DIAPH2: variants seen among roughly 807,000 people sequenced by gnomAD.
The protein encoded by DIAPH2 is diaphanous related formin 2.
Under a neutral mutation model 92.7 loss-of-function variants are expected in DIAPH2, and 35 were observed. The ratio of observed to expected loss-of-function variants is 0.38; its 90% confidence interval spans 0.29 to 0.50. The LOEUF (loss-of-function observed/expected upper bound fraction) is 0.50, where lower values mean the gene tolerates loss of function less well. DIAPH2 is among the 20% of genes least tolerant of loss of function. The pLI is 0.94. For synonymous variants in DIAPH2, 301 were observed against 280.4 expected (o/e 1.07, Z -0.73); for missense variants, 701 against 819.5 (o/e 0.86, Z 1.77).
chrX:96,803,629 C>G (rs1038966117), intron 4 of DIAPH2, among the ~76,000 whole-genome samples: 8 of 112,594 alleles, frequency 7.1e-5, no homozygotes, highest in African/African-American at 2.6e-4. Context: ...ATTAATAGCA[C>G]TTTCCAAAAT....
chrX:96,867,261 C>T (rs1056417471), intron 4 of DIAPH2, among the ~76,000 whole-genome samples: 2 of 111,358 alleles, frequency 1.8e-5, no homozygotes, highest in African/African-American at 6.5e-5. Context: ...CTCTGTTGCC[C>T]AGGCTGGAGT....
intron 25 of DIAPH2, among the ~76,000 whole-genome samples, chrX:97,422,784 A>G (rs2070022442): frequency 9.0e-6 from 1 of 111,590 alleles, no homozygotes; most frequent in Admixed American, 9.6e-5. Flanking sequence ...AGTAAGGGGT[A>G]TTCTAATTAA....
intron 17 of DIAPH2, among the ~76,000 whole-genome samples, chrX:97,025,283 GAGGTTGC>G (rs2066324298): frequency 9.0e-6 from 1 of 110,943 alleles, no homozygotes; most frequent in Non-Finnish European, 1.9e-5. Context: ...TCGGGAGGCA[GAGGTTGC>G]AGTGAGCCGC....
chrX:97,430,633 T>TAA (rs1406150453), intron 26 of DIAPH2, among the ~76,000 whole-genome samples: 4 of 112,546 alleles, frequency 3.6e-5, no homozygotes, highest in Non-Finnish European at 7.5e-5. Context: ...TTAATAAGAT[T>TAA]TGCCTTAAAT....
At position 96,796,853 on chromosome X, in the gene DIAPH2, T is replaced by C. The variant is rs142527804; in HGVS notation, c.447+38595T>C. Among the ~76,000 whole-genome samples the C allele has an allele frequency of 1.8e-4, 20 of 111,821 alleles. 1 individual carries two copies. The highest frequency in any genetic ancestry group is 6.5e-4 in the African/African-American group (20 of 30,844). On this transcript the variant is annotated intron_variant, in intron 4 of 26. Coordinates refer to ENST00000324765, the MANE Select transcript of DIAPH2 (RefSeq NM_006729.5). The stretch of plus-strand genomic sequence containing the variant: ...AAAATAGACTGTAAACAATCTCTTA[T>C]ATATTCTCACACTCTATTTCACACA...
chrX:97,330,085 T>G (rs80235883), intron 23 of DIAPH2, among the ~76,000 whole-genome samples: 2 of 94,861 alleles, frequency 2.1e-5, no homozygotes, highest in Admixed American at 1.2e-4. Context: ...GATTTGGTGT[T>G]TGTGTGTGTG....
intron 25 of DIAPH2, among the ~76,000 whole-genome samples, chrX:97,407,749 T>C (rs2069824781): frequency 8.9e-6 from 1 of 112,287 alleles, no homozygotes; most frequent in Admixed American, 9.5e-5. Context: ...TATAATGATA[T>C]TTGCAGACAG....
intron 22 of DIAPH2, among the ~76,000 whole-genome samples, chrX:97,209,806 A>G (rs907122463): frequency 1.8e-5 from 2 of 111,171 alleles, no homozygotes; most frequent in African/African-American, 3.2e-5. Flanking sequence ...CTGATACTCT[A>G]TACTAACTGC....
rs201851023 is a variant in DIAPH2, at chrX:97,329,891, G to GACAC, written c.2845-18182_2845-18179dup. On this transcript the variant is annotated intron_variant, in intron 23 of 26. Transcript: ENST00000324765. ...TTTTTCTGCCCTCCCTGCATTCTTAGACACACACACACACACACACACACA... is the reference window on the plus strand; with the variant it reads ...TTTTTCTGCCCTCCCTGCATTCTTAGACACACACACACACACACACACACACACA... Among the ~76,000 whole-genome samples the GACAC allele has an allele frequency of 1.0e-3, 80 of 79,473 alleles. 1 individual carries two copies. Among genetic ancestry groups the GACAC allele is most frequent in the African/African-American group, 3.3e-3 (67 of 20,472 alleles). 69.0% of individuals were successfully genotyped at this position (79,473 alleles called of 115,157 possible). A position where few individuals can be genotyped will look rare whatever the true frequency, so the allele number is the denominator to read the frequency against.
At chrX:97,424,879 C>G (rs1271598551) in intron 25 of DIAPH2, among the ~76,000 whole-genome samples, 1 of 111,916 alleles carries the variant, frequency 8.9e-6, no homozygotes, top group Non-Finnish European at 1.9e-5. Context: ...CCCACCTTGG[C>G]CTGCCAAAGT....
chrX:97,062,321 A>G (rs1234524564), intron 17 of DIAPH2, among the ~76,000 whole-genome samples: 2 of 112,017 alleles, frequency 1.8e-5, no homozygotes, highest in African/African-American at 6.5e-5. Context: ...GGAAGTATTT[A>G]TTGAGCTATT....
intron 17 of DIAPH2, among the ~76,000 whole-genome samples, chrX:96,998,881 T>C (rs1440555620): frequency 8.9e-6 from 1 of 112,333 alleles, no homozygotes; most frequent in Admixed American, 9.4e-5. Flanking sequence ...CCCTTTAGGA[T>C]TATTGACAAT....
At chrX:97,285,602 C>CA (rs1216397267) in intron 23 of DIAPH2, among the ~76,000 whole-genome samples, 2 of 105,288 alleles carry the variant, frequency 1.9e-5, no homozygotes, top group East Asian at 5.9e-4. Context: ...TCTCCTGTTA[C>CA]TTTTTTTTTT....
chrX:96,817,406 C>CA (rs910685299), intron 4 of DIAPH2, among the ~76,000 whole-genome samples: 1 of 110,255 alleles, frequency 9.1e-6, no homozygotes, highest in Non-Finnish European at 1.9e-5. Context: ...CTTCCAGGAT[C>CA]AAAAAAAGAA....
chrX:97,240,794 A>G (rs753475004), intron 22 of DIAPH2, among the ~76,000 whole-genome samples: 1 of 111,176 alleles, frequency 9.0e-6, no homozygotes, highest in South Asian at 3.8e-4. Context: ...ATATAAAATG[A>G]ATATTTATGT....
intron 26 of DIAPH2, among the ~76,000 whole-genome samples, chrX:97,565,617 A>T (rs899763882): frequency 8.9e-6 from 1 of 112,275 alleles, no homozygotes; most frequent in Non-Finnish European, 1.9e-5. Context: ...GATGATGCAG[A>T]ATAATCTCTT....
intron 23 of DIAPH2, among the ~76,000 whole-genome samples, chrX:97,315,346 C>T (rs1280514174): frequency 8.9e-6 from 1 of 111,794 alleles, no homozygotes; most frequent in Non-Finnish European, 1.9e-5. Flanking sequence ...ACAAATAAAG[C>T]AAGTAATATA....
chrX:97,025,872 A>T (rs1011070832), intron 17 of DIAPH2, among the ~76,000 whole-genome samples: 33 of 111,669 alleles, frequency 3.0e-4, no homozygotes, highest in Admixed American at 2.8e-3. Context: ...CCATTGTGAA[A>T]GCTGAAAATG....
chrX:97,178,521 C>T (rs967163566), intron 22 of DIAPH2, among the ~76,000 whole-genome samples: 2 of 89,667 alleles, frequency 2.2e-5, no homozygotes, highest in Non-Finnish European at 4.2e-5. Context: ...GGCACAATCT[C>T]AGCTCACTGC....
Sources: gnomAD v4.1 joint callset for allele counts (sites outside exome capture counted in the v4.1 genomes callset) on GRCh38, gnomAD v4.1.1 for gene constraint, MANE v1.5 for transcripts, NCBI Gene and HGNC (gene_info 2026-07-23, HGNC 2026-07-21) for gene names.